The following PTPRM variants were observed in gnomAD, a reference collection of about 807,000 sequenced individuals.
PTPRM encodes the protein protein tyrosine phosphatase receptor type M, also known as receptor-type tyrosine-protein phosphatase mu.
A neutral mutation model predicts 186.7 loss-of-function variants in PTPRM; 47 were observed. That is an observed-to-expected ratio of 0.25 (90% CI 0.20 to 0.32). The LOEUF is 0.32. PTPRM is among the 10% of genes least tolerant of loss of function. The probability of loss-of-function intolerance (pLI) is 1.00; values close to 1 mark genes in which losing one functional copy is unlikely to be tolerated. For synonymous variants in PTPRM, 668 were observed against 674.9 expected, an observed-to-expected ratio of 0.99 and a Z score of 0.16; for missense variants, 1,494 against 1,865.0, an observed-to-expected ratio of 0.80 and a Z score of 3.66.
chr18:7,785,087 G>A lies in PTPRM; in HGVS notation c.196+10816G>A, dbSNP rs1205662956. The stretch of plus-strand genomic sequence containing the variant: ...CACAGGTGTTCACAAGGCTGCCTGG[G>A]AAACTGCATGTAGTTCTAGGGACTG... On this transcript the variant is annotated intron_variant, in intron 2 of 32. Coordinates refer to ENST00000580170, the MANE Select transcript of PTPRM (RefSeq NM_001105244.2). 1.7e-4 allele frequency among the ~76,000 whole-genome samples: 26 copies of A among 152,196 alleles called. 1 individual carries two copies. Among genetic ancestry groups the A allele is most frequent in the Admixed American group, 1.7e-3 (26 of 15,280 alleles).
chr18:8,170,385 A>G (rs2093381213), intron 14 of PTPRM, among the ~76,000 whole-genome samples: 1 of 152,116 alleles, frequency 6.6e-6, no homozygotes, highest in Non-Finnish European at 1.5e-5. Flanking sequence ...TGCTCCTTCA[A>G]ACTATCAAGC....
intron 1 of PTPRM, among the ~76,000 whole-genome samples, chr18:7,705,318 T>C (rs537851644): frequency 6.8e-6 from 1 of 147,148 alleles, no homozygotes; most frequent in Admixed American, 6.8e-5. Flanking sequence ...TATCTATCTA[T>C]CTATCTATCT....
At chr18:7,783,762 GTGTGTGTGTGTA>G (rs1422848463) in intron 2 of PTPRM, among the ~76,000 whole-genome samples, 3 of 151,196 alleles carry the variant, frequency 2.0e-5, no homozygotes, top group African/African-American at 4.9e-5. Context: ...GTGTGTGTGT[GTGTGTGTGTGTA>G]TGTGTGTGTG....
chr18:8,043,618 A>G (rs1295776515), intron 7 of PTPRM, among the ~76,000 whole-genome samples: 1 of 151,822 alleles, frequency 6.6e-6, no homozygotes, highest in Non-Finnish European at 1.5e-5. Context: ...TGTTTATCCT[A>G]CAATCCTGAT....
intron 1 of PTPRM, among the ~76,000 whole-genome samples, chr18:7,760,299 A>T (rs1014959401): frequency 6.6e-6 from 1 of 152,210 alleles, no homozygotes; most frequent in Non-Finnish European, 1.5e-5. Flanking sequence ...CAAAGAAAAA[A>T]ATAATAGCAT....
intron 1 of PTPRM, among the ~76,000 whole-genome samples, chr18:7,756,629 A>G (rs1203942053): frequency 6.6e-6 from 1 of 152,172 alleles, no homozygotes; most frequent in Non-Finnish European, 1.5e-5. Context: ...TAGATTTGTG[A>G]GGAGCATCCA....
At chr18:7,940,377 G>A (rs1043047203) in intron 5 of PTPRM, among the ~76,000 whole-genome samples, 1 of 152,200 alleles carries the variant, frequency 6.6e-6, no homozygotes, top group African/African-American at 2.4e-5. Flanking sequence ...TTAGGAAGGG[G>A]TCAGTGGCAC....
chr18:7,710,733 G>A lies in PTPRM; in HGVS notation c.74-63416G>A, dbSNP rs537033457. Among the ~76,000 whole-genome samples the A allele has an allele frequency of 3.9e-5, 6 of 152,120 alleles. No individual in the cohort carries two copies. The East Asian group carries it at 1.2e-3, about 29-fold the overall frequency. ...AAAAATCAGTGTACACAAATCAATG[G>A]CACTGCTATATAGCAACAATGATCA... On this transcript the variant is annotated intron_variant, in intron 1 of 32. Transcript: ENST00000580170.
At chr18:8,062,907 T>G (rs1255487482) in intron 7 of PTPRM, among the ~76,000 whole-genome samples, 68 of 141,848 alleles carry the variant, frequency 4.8e-4, no homozygotes, top group African/African-American at 1.9e-3. Context: ...ACTGCTGTCT[T>G]TTTGTTTGTC....
chr18:7,711,701 G>GT (rs2040216900), intron 1 of PTPRM, among the ~76,000 whole-genome samples: 3 of 152,276 alleles, frequency 2.0e-5, no homozygotes, highest in South Asian at 4.2e-4. Context: ...CTCACAGTGT[G>GT]TAACAAAGCC....
chr18:7,794,451 C>T (rs560308768), intron 2 of PTPRM, among the ~76,000 whole-genome samples: 96 of 152,202 alleles, frequency 6.3e-4, no homozygotes, highest in African/African-American at 2.3e-3. Context: ...ACAAGGGAAC[C>T]ATTCCCGTTT....
chr18:7,761,038 ACACT>A (rs1341854033), intron 1 of PTPRM, among the ~76,000 whole-genome samples: 2 of 152,186 alleles, frequency 1.3e-5, no homozygotes, highest in Admixed American at 6.5e-5. Context: ...TATTGAGTAA[ACACT>A]CAGTTAGAAA....
At chr18:7,667,529 A>G (rs2039123566) in intron 1 of PTPRM, among the ~76,000 whole-genome samples, 2 of 152,360 alleles carry the variant, frequency 1.3e-5, no homozygotes, top group South Asian at 4.1e-4. Context: ...AAAGCAATGT[A>G]TGGTTTTACA....
intron 23 of PTPRM, 48 bp from the exon 24 acceptor site, chr18:8,370,842 C>CA (rs1379592077): frequency 3.1e-6 from 4 of 1,284,096 alleles, no homozygotes; most frequent in African/African-American, 1.5e-5. Context: ...GGAGGAACTC[C>CA]AAAAAAACCA....
At chr18:8,216,464 T>G (rs765105620) in intron 14 of PTPRM, among the ~76,000 whole-genome samples, 2 of 152,362 alleles carry the variant, frequency 1.3e-5, no homozygotes, top group South Asian at 2.1e-4. Flanking sequence ...AAACTTGTTA[T>G]TGCTCATCCT....
intron 1 of PTPRM, among the ~76,000 whole-genome samples, chr18:7,707,545 G>A (rs1033512206): frequency 6.6e-6 from 1 of 152,074 alleles, no homozygotes; most frequent in East Asian, 1.9e-4. Flanking sequence ...AGGTTGAGGT[G>A]GGGGGATTGC....
chr18:7,846,525 G>T (rs1025366810), intron 2 of PTPRM, among the ~76,000 whole-genome samples: 34 of 152,196 alleles, frequency 2.2e-4, no homozygotes, highest in Admixed American at 8.5e-4. Flanking sequence ...TCCTTCATCT[G>T]GGCCTGGTGG....
At chr18:8,137,245 T>C (rs757151685) in intron 13 of PTPRM, among the ~76,000 whole-genome samples, 3 of 152,158 alleles carry the variant, frequency 2.0e-5, no homozygotes, top group Non-Finnish European at 4.4e-5. Flanking sequence ...AAGAGTGGCT[T>C]TGTGGTATTT....
intron 7 of PTPRM, among the ~76,000 whole-genome samples, chr18:8,064,107 A>C (rs886405975): frequency 1.3e-5 from 2 of 152,192 alleles, no homozygotes; most frequent in Non-Finnish European, 2.9e-5. Flanking sequence ...CCAGCTTTCA[A>C]ATATGATGGA....
Sources: allele counts gnomAD v4.1 joint callset (sites outside exome capture counted in the v4.1 genomes callset), GRCh38; gene constraint gnomAD v4.1.1; transcripts MANE v1.5; gene names NCBI Gene and HGNC (gene_info 2026-07-23, HGNC 2026-07-21).